Variants in DENND2B observed in about 807,000 individuals in gnomAD.
The protein encoded by DENND2B is DENN domain containing 2B, also known as DENN domain-containing protein 2B.
Under a neutral mutation model 116.0 loss-of-function variants are expected in DENND2B, and 32 were observed. The ratio of observed to expected loss-of-function variants is 0.28; its 90% confidence interval spans 0.21 to 0.37. DENND2B has a LOEUF of 0.37. Among genes scored for constraint, DENND2B ranks in the 10% least tolerant of loss-of-function variants. DENND2B has a pLI of 1.00. For synonymous variants in DENND2B, 588 were observed against 583.9 expected, an observed-to-expected ratio of 1.01 and a Z score of -0.10; for missense variants, 1,276 against 1,477.7, an observed-to-expected ratio of 0.86 and a Z score of 2.24.
rs181078214 is a variant in DENND2B, at chr11:8,718,404, G to A, written c.1478-512C>T. On this transcript the variant is annotated intron_variant, in intron 4 of 19. Coordinates refer to ENST00000313726, the MANE Select transcript of DENND2B (RefSeq NM_213618.2). ...GAACTCACAGAACCGTAGGGAGCAG[G>A]GCTTCGCCAGGCCCCCTTCTCACCT... The A allele has an allele frequency of 2.3e-3, 3,497 of 1,531,810 alleles. 10 individuals are homozygous for A. Among genetic ancestry groups the A allele is most frequent in the Middle Eastern group, 5.4e-3 (32 of 5,978 alleles). 94.9% of individuals were successfully genotyped at this position (1,531,810 alleles called of 1,614,324 possible). A position where few individuals can be genotyped will look rare whatever the true frequency, so the allele number is the denominator to read the frequency against.
intron 2 of DENND2B, among the ~76,000 whole-genome samples, chr11:8,867,408 T>C (rs2063620332): frequency 3.3e-5 from 5 of 152,098 alleles, no homozygotes; most frequent in African/African-American, 4.8e-5. Flanking sequence ...ATCCTGGCTT[T>C]CCTATCCCTT....
At chr11:8,781,770 AC>A (rs1293484649) in intron 1 of DENND2B, among the ~76,000 whole-genome samples, 1 of 152,242 alleles carries the variant, frequency 6.6e-6, no homozygotes, top group Admixed American at 6.5e-5. Context: ...AAGGAAAAAG[AC>A]GAAAACCCAA....
intron 2 of DENND2B, among the ~76,000 whole-genome samples, chr11:8,880,110 A>G (rs1454130768): frequency 6.6e-6 from 1 of 152,198 alleles, no homozygotes; most frequent in African/African-American, 2.4e-5. Flanking sequence ...GACATACCAC[A>G]GACAAAGGAC....
rs1033430457 is a variant in DENND2B, at chr11:8,707,757, A to G, written c.2430+20T>C. On this transcript the variant is annotated intron_variant, in intron 12 of 19. Transcript: ENST00000313726. The surrounding 1 kb of genome is among the most constrained non-coding windows in gnomAD (Gnocchi z 4.8). ...CTGTCAGCTGGGGGACGGGGAGGGA[A>G]GCCTGCCAGAGCCTCTTACCTTGGA... 6.3e-7 allele frequency: 1 copy of G among 1,594,430 alleles called. No homozygotes were observed. The highest frequency in any genetic ancestry group is 1.3e-5 in the African/African-American group (1 of 74,876).
intron 2 of DENND2B, among the ~76,000 whole-genome samples, chr11:8,865,183 C>A (rs2063532378): frequency 6.6e-6 from 1 of 152,132 alleles, no homozygotes; most frequent in Non-Finnish European, 1.5e-5. Flanking sequence ...TCTAGATAGG[C>A]CTTAATTGGG....
At position 8,909,474 on chromosome 11, in the gene DENND2B, GA is replaced by G. The variant is rs1371192290; in HGVS notation, c.-256+1346del. Among the ~76,000 whole-genome samples, 13 of 150,644 alleles carry G rather than the reference GA, an allele frequency of 8.6e-5. No homozygotes were observed. The East Asian group carries it at 2.3e-3, about 27-fold the overall frequency. On this transcript the variant is annotated intron_variant, in intron 1 of 22. Coordinates refer to the DENND2B transcript ENST00000534127. Reference sequence around the variant, plus strand: ...AGGAGAAGGAGAAGGAGAAGAAATGGAAAAAAAAAGATGGCAGAGCCAGAAT... The same window carrying G: ...AGGAGAAGGAGAAGGAGAAGAAATGGAAAAAAAAGATGGCAGAGCCAGAAT...
intron 4 of DENND2B, among the ~76,000 whole-genome samples, chr11:8,723,770 G>T (rs979499674): frequency 6.6e-6 from 1 of 152,160 alleles, no homozygotes; most frequent in Non-Finnish European, 1.5e-5. Flanking sequence ...AGTGGTAAGG[G>T]AAAGGGCCTC....
chr11:8,778,476 C>T (rs1333650263), intron 1 of DENND2B, among the ~76,000 whole-genome samples: 10 of 152,236 alleles, frequency 6.6e-5, no homozygotes, highest in African/African-American at 2.4e-4. Flanking sequence ...GTCTATGTGC[C>T]TGTGTGTCTG....
chr11:8,885,566 G>A (rs151271006), intron 1 of DENND2B, among the ~76,000 whole-genome samples: 1 of 152,128 alleles, frequency 6.6e-6, no homozygotes, highest in Non-Finnish European at 1.5e-5. Context: ...CTCTGGGAGT[G>A]CAATAAAGCT....
At chr11:8,788,851 G>A (rs1292184678) in intron 1 of DENND2B, among the ~76,000 whole-genome samples, 1 of 152,166 alleles carries the variant, frequency 6.6e-6, no homozygotes, top group Non-Finnish European at 1.5e-5. Context: ...CTCTGAACTT[G>A]GCCAGGCCTC....
intron 1 of DENND2B, among the ~76,000 whole-genome samples, chr11:8,892,698 A>T (rs1289000542): frequency 6.6e-6 from 1 of 152,254 alleles, no homozygotes; most frequent in East Asian, 1.9e-4. Context: ...CTAAACTAGG[A>T]AGAAGTTGAA....
rs770044660 is a variant in DENND2B, at chr11:8,707,039, C to T, written c.2571+46G>A. On this transcript the variant is annotated intron_variant, in intron 13 of 19. Coordinates refer to ENST00000313726, the MANE Select transcript of DENND2B (RefSeq NM_213618.2). The surrounding 1 kb of genome is among the most constrained non-coding windows in gnomAD (Gnocchi z 4.8). ...GACCTTGGCCAGCATGGTCCTCCTG[C>T]CACCCCAGCCCGTAGCCCGAGAGAA... The T allele has an allele frequency of 6.3e-7, 1 of 1,581,626 alleles. No homozygotes were observed. Among genetic ancestry groups the T allele is most frequent in the African/African-American group, 1.3e-5 (1 of 74,514 alleles).
chr11:8,789,568 C>T (rs188285474), intron 1 of DENND2B, among the ~76,000 whole-genome samples: 4 of 152,252 alleles, frequency 2.6e-5, no homozygotes, highest in Non-Finnish European at 5.9e-5. Context: ...TGTTTTCTCC[C>T]TAAAATGCTT....
At chr11:8,743,028 C>T (rs568008574) in intron 2 of DENND2B, among the ~76,000 whole-genome samples, 2 of 151,774 alleles carry the variant, frequency 1.3e-5, no homozygotes, top group African/African-American at 2.4e-5. Flanking sequence ...CGCGCCATTG[C>T]GCTCCAGCCT....
intron 1 of DENND2B, among the ~76,000 whole-genome samples, chr11:8,896,348 A>T (rs1240206972): frequency 3.9e-5 from 6 of 152,240 alleles, no homozygotes; most frequent in Non-Finnish European, 8.8e-5. Flanking sequence ...GTCCAGAATT[A>T]TATCACAAAA....
In DENND2B at chr11:8,824,492, G is replaced by A. The variant is rs886959461; in HGVS notation, c.-114-13157C>T. ...CTGCATTAGTTTGCTAAGGATAGTG[G>A]CCTCCAGCTCCATCCATGTTCCTGC... On this transcript the variant is annotated intron_variant, in intron 4 of 6. Coordinates refer to the DENND2B transcript ENST00000524757. Among the ~76,000 whole-genome samples the A allele has an allele frequency of 2.0e-5, 3 of 152,042 alleles. No individual in the cohort carries two copies. The South Asian group carries it at 6.2e-4, about 32-fold the overall frequency.
chr11:8,831,329 G>A (rs2041089398), intron 4 of DENND2B, among the ~76,000 whole-genome samples: 1 of 152,198 alleles, frequency 6.6e-6, no homozygotes. Flanking sequence ...ACTCAGCAAT[G>A]CAAGCATAAC....
intron 1 of DENND2B, among the ~76,000 whole-genome samples, chr11:8,909,526 T>C (rs769002050): frequency 6.6e-6 from 1 of 152,096 alleles, no homozygotes. Context: ...CGAGTGGATA[T>C]ACAGGACCCC....
At chr11:8,797,996 T>G (rs900288071) in intron 1 of DENND2B, among the ~76,000 whole-genome samples, 1 of 152,228 alleles carries the variant, frequency 6.6e-6, no homozygotes, top group Non-Finnish European at 1.5e-5. Flanking sequence ...CATTAACGGC[T>G]TCTTCTCATC....
Sources: allele counts gnomAD v4.1 joint callset (sites outside exome capture counted in the v4.1 genomes callset), GRCh38; gene constraint gnomAD v4.1.1; non-coding constraint Gnocchi (gnomAD v3.1); transcripts MANE v1.5; gene names NCBI Gene and HGNC (gene_info 2026-07-23, HGNC 2026-07-21).